ADAMTS3: variants seen among roughly 807,000 people sequenced by gnomAD.
ADAMTS3 encodes the protein ADAM metallopeptidase with thrombospondin type 1 motif 3.
In ADAMTS3, 73 loss-of-function variants were observed where a neutral mutation model predicts 129.0. The ratio of observed to expected loss-of-function variants is 0.57; its 90% confidence interval spans 0.47 to 0.69. The LOEUF (loss-of-function observed/expected upper bound fraction) is 0.69, where lower values mean the gene tolerates loss of function less well. Ranked by LOEUF, ADAMTS3 falls within the 30% of genes least tolerant of loss-of-function variation. The pLI, the probability that ADAMTS3 is intolerant of heterozygous loss-of-function variation, is 0.00. For missense variants in ADAMTS3, 1,457 were observed against 1,514.5 expected, an observed-to-expected ratio of 0.96 and a Z score of 0.63; for synonymous variants, 477 against 510.8, an observed-to-expected ratio of 0.93 and a Z score of 0.89.
intron 4 of ADAMTS3, among the ~76,000 whole-genome samples, chr4:72,357,682 A>G (rs922313335): frequency 3.1e-4 from 47 of 151,970 alleles, no homozygotes; most frequent in African/African-American, 8.9e-4. Context: ...GGTAGGGTAT[A>G]TGGTACAGTG....
chr4:72,298,228 G>GT (rs757727260), intron 18 of ADAMTS3, 49 bp downstream of exon 18: 1 of 1,507,286 alleles, frequency 6.6e-7, no homozygotes, highest in Non-Finnish European at 9.0e-7. Flanking sequence ...AGCAAGATTG[G>GT]TTTTTATATG....
Position 72,323,035 on chromosome 4 carries a change from C to G in ADAMTS3, c.924G>C (p.Met308Ile). The change falls in exon 6 of 22, where the codon ATG (methionine) becomes ATC (isoleucine). Residue 308 changes from methionine (M) to isoleucine (I), a missense_variant. Physicochemically the swap from Met to Ile is conservative, Grantham distance 10 (BLOSUM62 1). Transcript: ENST00000286657. ...GVHINVVLVR[M>I]IMLGYAKSIS... ...TTACCTTTGCATATCCCAGCATTAT[C>G]ATGCGCACCAGGACCACATTTATAT... The G allele has an allele frequency of 6.2e-7, 1 of 1,613,358 alleles. No homozygotes were observed. The highest frequency in any genetic ancestry group is 1.1e-5 in the South Asian group (1 of 91,056).
At chr4:72,552,695 A>C (rs1396559213) in intron 2 of ADAMTS3, among the ~76,000 whole-genome samples, 3 of 152,124 alleles carry the variant, frequency 2.0e-5, no homozygotes, top group Non-Finnish European at 4.4e-5. Flanking sequence ...TCACATCTCA[A>C]AGATTTTGTA....
chr4:72,449,266 T>C (rs1273812754), intron 3 of ADAMTS3, among the ~76,000 whole-genome samples: 2 of 151,506 alleles, frequency 1.3e-5, no homozygotes, highest in African/African-American at 2.4e-5. Flanking sequence ...AACCCCATCT[T>C]CCCACTTGAC....
At chr4:72,300,705 G>A (rs1718927543) in intron 17 of ADAMTS3, among the ~76,000 whole-genome samples, 1 of 152,064 alleles carries the variant, frequency 6.6e-6, no homozygotes, top group African/African-American at 2.4e-5. Context: ...ATTCCGTCTC[G>A]GTTTCACTGT....
chr4:72,543,648 T>C (rs1477753485), intron 3 of ADAMTS3, among the ~76,000 whole-genome samples: 2 of 152,148 alleles, frequency 1.3e-5, no homozygotes, highest in Non-Finnish European at 2.9e-5. Flanking sequence ...TCCACTTATA[T>C]GAAGCATTTA....
intron 3 of ADAMTS3, among the ~76,000 whole-genome samples, chr4:72,494,183 C>A (rs1442047221): frequency 6.6e-6 from 1 of 152,088 alleles, no homozygotes; most frequent in Non-Finnish European, 1.5e-5. Flanking sequence ...TTATCTGTCT[C>A]TTCTCCTTCT....
intron 4 of ADAMTS3, among the ~76,000 whole-genome samples, chr4:72,354,204 T>C (rs1720516989): frequency 6.6e-6 from 1 of 151,890 alleles, no homozygotes; most frequent in South Asian, 2.1e-4. Flanking sequence ...TAGAAGCACA[T>C]TTATCTTCAT....
chr4:72,563,322 A>C (rs1721949080), intron 2 of ADAMTS3, among the ~76,000 whole-genome samples: 1 of 152,184 alleles, frequency 6.6e-6, no homozygotes, highest in African/African-American at 2.4e-5. Context: ...CTTTAGTTAC[A>C]AGAAAGAATA....
intron 6 of ADAMTS3, 100 bp downstream of exon 6, chr4:72,322,914 A>C: frequency 5.4e-6 from 5 of 920,992 alleles, no homozygotes; most frequent in Non-Finnish European, 6.9e-6. Flanking sequence ...TTTATATGGA[A>C]TATATCTATG....
intron 19 of ADAMTS3, among the ~76,000 whole-genome samples, chr4:72,291,840 T>C (rs1383343003): frequency 6.6e-6 from 1 of 152,172 alleles, no homozygotes; most frequent in South Asian, 2.1e-4. Flanking sequence ...ACTTCCACAA[T>C]GGTTGAACTA....
chr4:72,451,914 T>TA (rs1478759502), intron 3 of ADAMTS3, among the ~76,000 whole-genome samples: 1 of 151,480 alleles, frequency 6.6e-6, no homozygotes, highest in East Asian at 2.0e-4. Flanking sequence ...CAAAGCAACA[T>TA]AATGAGACCC....
chr4:72,520,839 C>T (rs1405937353), intron 3 of ADAMTS3, among the ~76,000 whole-genome samples: 3 of 152,042 alleles, frequency 2.0e-5, no homozygotes, highest in African/African-American at 4.8e-5. Context: ...GCATGATGTG[C>T]TGCACCCTCT....
rs934244060 is a variant in ADAMTS3 at position 72,509,096 on chromosome 4, G to A, written c.504+39382C>T. Among the ~76,000 whole-genome samples, 24 of 151,748 alleles carry A rather than the reference G, an allele frequency of 1.6e-4. 1 individual carries two copies. The highest frequency in any genetic ancestry group is 1.0e-3 in the Admixed American group (16 of 15,254). On this transcript the variant is annotated intron_variant, in intron 3 of 21. Coordinates refer to ENST00000286657, the MANE Select transcript of ADAMTS3 (RefSeq NM_014243.3). ...AAACAAATGATAATGGAAACATGAC[G>A]TATTAAAACCTTTGAGATACACAAA...
chr4:72,386,900 TACTC>T (rs1721462326), intron 4 of ADAMTS3, among the ~76,000 whole-genome samples: 1 of 152,168 alleles, frequency 6.6e-6, no homozygotes, highest in Non-Finnish European at 1.5e-5. Context: ...TAAGCAATCT[TACTC>T]ACTGACCTTC....
chr4:72,548,785 T>G lies in ADAMTS3; in HGVS notation c.197A>C (p.Lys66Thr). The part of the protein sequence containing the change: ...YLSHTLSASH[K>T]KRSARDVSSN... ...AGACACGTCCCTCGCTGACCTCTTT[T>G]TGTGACTCGCAGAAAGAGTATGGGA... The change falls in exon 3 of 22, where the codon AAA becomes ACA. Residue 66 changes from lysine to threonine, a missense_variant. Lys to Thr is a moderately conservative substitution (Grantham distance 78, BLOSUM62 -1). Coordinates refer to ENST00000286657, the MANE Select transcript of ADAMTS3 (RefSeq NM_014243.3). The G allele has an allele frequency of 6.2e-7, 1 of 1,613,906 alleles. No homozygotes were observed. Among genetic ancestry groups the G allele is most frequent in the Non-Finnish European group, 8.5e-7 (1 of 1,179,882 alleles).
chr4:72,448,557 A>G (rs140678286), intron 3 of ADAMTS3, among the ~76,000 whole-genome samples: 134 of 151,870 alleles, frequency 8.8e-4, no homozygotes, highest in African/African-American at 2.4e-3. Context: ...ACTTGATGTA[A>G]GTTTCCACAT....
Position 72,281,880 on chromosome 4 carries a change from A to G in ADAMTS3, c.*1256T>C, listed in dbSNP as rs528417434. 1 of 152,250 alleles carries G rather than the reference A, an allele frequency of 6.6e-6. No homozygotes were observed. The highest frequency in any genetic ancestry group is 6.5e-5 in the Admixed American group (1 of 15,286). 9.4% of individuals were successfully genotyped at this position (152,250 alleles called of 1,614,324 possible). A position where few individuals can be genotyped will look rare whatever the true frequency, so the allele number is the denominator to read the frequency against. ...TTCTATGTACAAGTACTTTACATCT[A>G]CTCCCTGGAGAGAGCATTTCTGGCT... On this transcript the variant is annotated 3_prime_UTR_variant, in exon 22 of 22. Coordinates refer to ENST00000286657, the MANE Select transcript of ADAMTS3 (RefSeq NM_014243.3).
intron 3 of ADAMTS3, among the ~76,000 whole-genome samples, chr4:72,534,868 G>A (rs1331624405): frequency 6.6e-6 from 1 of 152,110 alleles, no homozygotes; most frequent in Non-Finnish European, 1.5e-5. Flanking sequence ...TAGGGTCTAG[G>A]ACCAAAATGG....
Sources: allele counts gnomAD v4.1 joint callset (sites outside exome capture counted in the v4.1 genomes callset), GRCh38; gene constraint gnomAD v4.1.1; transcripts MANE v1.5; gene names NCBI Gene and HGNC (gene_info 2026-07-23, HGNC 2026-07-21).